TMEM260: variants seen among roughly 807,000 people sequenced by gnomAD.
TMEM260 encodes transmembrane protein 260.
TMEM260 carries 82 observed loss-of-function variants against 88.9 expected under a neutral mutation model. The ratio of observed to expected loss-of-function variants is 0.92; its 90% CI spans 0.77 to 1.11. The LOEUF (loss-of-function observed/expected upper bound fraction) is 1.11. TMEM260 is among the 50% of genes least tolerant of loss of function. TMEM260 has a pLI of 0.00. For synonymous variants in TMEM260, 314 were observed against 309.3 expected (o/e 1.02, Z -0.16); for missense variants, 902 against 853.4 (o/e 1.06, Z -0.71).
chr14:56,653,741 C>CAAAAAAAAAAAAAAAAAAAA (rs370392374), downstream of TMEM260, among the ~76,000 whole-genome samples: 1 of 97,906 alleles, frequency 1.0e-5, no homozygotes, highest in African/African-American at 4.0e-5. Context: ...GTCTCCAAAA[C>CAAAAAAAAAAAAAAAAAAAA]AAAAAAAAAA....
chr14:56,583,049 A>G (rs567479227), intron 1 of TMEM260, among the ~76,000 whole-genome samples: 1 of 152,326 alleles, frequency 6.6e-6, no homozygotes, highest in Non-Finnish European at 1.5e-5. Flanking sequence ...TGTAATTCTG[A>G]ATACATTTTA....
intron 12 of TMEM260, among the ~76,000 whole-genome samples, chr14:56,629,530 T>G (rs1345652583): frequency 1.3e-5 from 2 of 152,198 alleles, no homozygotes; most frequent in Admixed American, 1.3e-4. Context: ...TCTGTTGTTC[T>G]TTCTTCAATC....
chr14:56,599,468 C>A (rs1056313973), intron 3 of TMEM260, among the ~76,000 whole-genome samples: 2 of 152,158 alleles, frequency 1.3e-5, no homozygotes, highest in African/African-American at 4.8e-5. Context: ...GTGTATCCTT[C>A]TTGAGCTGTG....
At chr14:56,652,630 A>G (rs1469556486), downstream of TMEM260, among the ~76,000 whole-genome samples, 1 of 152,194 alleles carries the variant, frequency 6.6e-6, no homozygotes, top group African/African-American at 2.4e-5. Flanking sequence ...CCTTAGTCTG[A>G]CAGGTGAAAG....
intron 3 of TMEM260, among the ~76,000 whole-genome samples, chr14:56,588,027 G>A (rs533767293): frequency 6.6e-6 from 1 of 152,136 alleles, no homozygotes; most frequent in Admixed American, 6.5e-5. Flanking sequence ...TTACAGTGAT[G>A]GCTTTTTCCT....
chr14:56,618,549 A>G, intron 9 of TMEM260, 45 bp from the exon 10 acceptor site: 1 of 1,587,100 alleles, frequency 6.3e-7, no homozygotes. Flanking sequence ...GATTGATAGC[A>G]TTAAATAGTC....
chr14:56,609,450 T>C (rs1180477309), intron 6 of TMEM260, among the ~76,000 whole-genome samples, 165 bp downstream of exon 6: 1 of 152,208 alleles, frequency 6.6e-6, no homozygotes, highest in Non-Finnish European at 1.5e-5. Flanking sequence ...CTTTGATATA[T>C]GTAAGAGAAA....
chr14:56,589,224 T>A (rs1008520361), intron 3 of TMEM260, among the ~76,000 whole-genome samples: 2 of 152,108 alleles, frequency 1.3e-5, no homozygotes, highest in South Asian at 4.1e-4. Context: ...AAGATTTACA[T>A]TGCTTATGAT....
chr14:56,634,110 G>T (rs890522555), intron 13 of TMEM260, among the ~76,000 whole-genome samples: 1 of 152,148 alleles, frequency 6.6e-6, no homozygotes, highest in African/African-American at 2.4e-5. Context: ...TACATAGTAA[G>T]AAAATTTTTA....
the TMEM260 span, among the ~76,000 whole-genome samples, chr14:56,660,218 A>G: frequency 5.3e-5 from 8 of 152,222 alleles, no homozygotes; most frequent in African/African-American, 1.9e-4. Flanking sequence ...TTGCTTCTGT[A>G]AAGATATGTA....
intron 12 of TMEM260, among the ~76,000 whole-genome samples, chr14:56,632,080 T>G (rs1312303607): frequency 6.6e-6 from 1 of 152,110 alleles, no homozygotes; most frequent in Non-Finnish European, 1.5e-5. Context: ...ACGAACTCTG[T>G]TTAGGGTCAG....
At chr14:56,624,958 G>A (rs1290702623) in intron 11 of TMEM260, among the ~76,000 whole-genome samples, 1 of 152,190 alleles carries the variant, frequency 6.6e-6, no homozygotes, top group Non-Finnish European at 1.5e-5. Flanking sequence ...CTCTTAAGGA[G>A]CATGCAGCTT....
chr14:56,612,897 T>C (rs934645245), intron 7 of TMEM260: 1 of 152,148 alleles, frequency 6.6e-6, no homozygotes, highest in Admixed American at 6.5e-5. Flanking sequence ...CAACCTTCAA[T>C]TGAACAACTA....
intron 12 of TMEM260, among the ~76,000 whole-genome samples, chr14:56,628,767 T>TCAAA (rs1888395111): frequency 6.6e-6 from 1 of 152,186 alleles, no homozygotes; most frequent in Non-Finnish European, 1.5e-5. Flanking sequence ...TATTTGAGTC[T>TCAAA]TATTTTACTA....
At chr14:56,580,197 C>T (rs1885027269) in intron 1 of TMEM260, 123 bp downstream of exon 1, 2 of 722,054 alleles carry the variant, frequency 2.8e-6, no homozygotes, top group African/African-American at 1.8e-5. Context: ...ATCCACCCCC[C>T]TGTGCACAGC....
rs1352306122 is a variant in TMEM260, at chr14:56,648,736, T to G, written c.*1239T>G. The G allele has an allele frequency of 1.3e-5, 2 of 152,680 alleles. No individual in the cohort carries two copies. The highest frequency in any genetic ancestry group is 4.8e-5 in the African/African-American group (2 of 41,460). The allele number at this position is 152,680 out of a possible 1,614,324, so 9.5% of individuals were successfully genotyped here. A position where few individuals can be genotyped will look rare whatever the true frequency, so the allele number is the denominator to read the frequency against. On this transcript the variant is annotated 3_prime_UTR_variant, in exon 16 of 16. Transcript: ENST00000261556. ...ACCATAATTAAAACCACTAATTCTC[T>G]TTTAAAATGCTGCAGGATGCCATGT...
At position 56,601,536 on chromosome 14, in the gene TMEM260, A is replaced by C. The variant is rs188076632; in HGVS notation, c.345-2279A>C. ...GGTAATTCATCTATTTATAGGAGGT[A>C]CCTTGAGAGACTATACATATTCTGT... is the stretch of plus-strand genomic sequence containing the variant. On this transcript the variant is annotated intron_variant, in intron 3 of 15. Transcript: ENST00000261556. Among the ~76,000 whole-genome samples the C allele has an allele frequency of 1.6e-3, 241 of 152,250 alleles. 3 individuals carry two copies. The highest frequency in any genetic ancestry group is 5.5e-3 in the African/African-American group (227 of 41,558).
chr14:56,656,446 C>G, the TMEM260 span, among the ~76,000 whole-genome samples: 4 of 152,044 alleles, frequency 2.6e-5, no homozygotes, highest in East Asian at 1.9e-4. Context: ...AAATAAAGCT[C>G]TGTGTGGCTT....
In TMEM260 at chr14:56,603,953, A is replaced by G. The variant is rs909452330; in HGVS notation, c.483A>G (p.Val161=). ...TGGGGCTGCTTATGGCTCTTACTGT[A>G]CATTTTGAGGAAGCAGCAACTGCTA... is the stretch of plus-strand genomic sequence containing the variant. ...LFVGLLMALT[V]HFEEAATAKE... is the part of the protein sequence containing the mutation. Residue 161 remains valine (V), a synonymous_variant, in exon 4 of 16, where the codon GTA becomes GTG. Transcript: ENST00000261556. The G allele has an allele frequency of 1.9e-6, 3 of 1,598,864 alleles. No individual in the cohort carries two copies. The highest frequency in any genetic ancestry group is 1.7e-6 in the Non-Finnish European group (2 of 1,175,290).
Sources: allele counts gnomAD v4.1 joint callset (sites outside exome capture counted in the v4.1 genomes callset), GRCh38; gene constraint gnomAD v4.1.1; transcripts MANE v1.5; gene names NCBI Gene and HGNC (gene_info 2026-07-23, HGNC 2026-07-21).